KPNA5: variants seen among roughly 807,000 people sequenced by gnomAD.
The protein encoded by KPNA5 is karyopherin subunit alpha 5.
A neutral mutation model predicts 71.3 loss-of-function variants in KPNA5; 46 were observed. The ratio of observed to expected loss-of-function variants is 0.65; its 90% CI spans 0.51 to 0.83. The LOEUF is 0.83. KPNA5 is among the 40% of genes least tolerant of loss of function. The pLI, the probability that KPNA5 is intolerant of heterozygous loss-of-function variation, is 0.00. For synonymous variants in KPNA5, 207 were observed against 201.4 expected (o/e 1.03, Z -0.24); for missense variants, 547 against 628.3 (o/e 0.87, Z 1.38).
rs1226124960 is a variant in KPNA5 at position 116,736,488 on chromosome 6, A to G, written c.*4165A>G. ...GTTCACTTTTTTACTGGCACTAGCC[A>G]TATTTCAAGTGCTCAGTAGGGAGTG... On this transcript the variant is annotated 3_prime_UTR_variant, in exon 14 of 14. Coordinates refer to ENST00000368564, the MANE Select transcript of KPNA5 (RefSeq NM_001366306.2). 6.6e-6 allele frequency: 1 copy of G among 152,138 alleles called. No homozygotes were observed. Among genetic ancestry groups the G allele is most frequent in the East Asian group, 1.9e-4 (1 of 5,178 alleles). The allele number at this position is 152,138 out of a possible 1,614,324, so 9.4% of individuals were successfully genotyped here.
At chr6:116,688,822 A>C (rs556639465) in intron 1 of KPNA5, among the ~76,000 whole-genome samples, 1 of 152,302 alleles carries the variant, frequency 6.6e-6, no homozygotes, top group African/African-American at 2.4e-5. Context: ...TGCCTTCAGT[A>C]AGTGAAAGAA....
At position 116,735,159 on chromosome 6, in the gene KPNA5, A is replaced by G. The variant is rs1228054294; in HGVS notation, c.*2836A>G. 6.6e-6 allele frequency: 1 copy of G among 151,826 alleles called. No individual in the cohort carries two copies. The highest frequency in any genetic ancestry group is 1.5e-5 in the Non-Finnish European group (1 of 67,766). The allele number at this position is 151,826 out of a possible 1,614,324, so 9.4% of individuals were successfully genotyped here. A position where few individuals can be genotyped will look rare whatever the true frequency, so the allele number is the denominator to read the frequency against. On this transcript the variant is annotated 3_prime_UTR_variant, in exon 14 of 14. Coordinates refer to ENST00000368564, the MANE Select transcript of KPNA5 (RefSeq NM_001366306.2). ...ACTTACTGGTAACACCAGAACAAGA[A>G]AGCAAAAAAGTAATAAATTCTGCTG...
At chr6:116,729,391 T>A (rs1779403137) in intron 12 of KPNA5, among the ~76,000 whole-genome samples, 172 bp from the exon 13 acceptor site, 1 of 152,086 alleles carries the variant, frequency 6.6e-6, no homozygotes, top group African/African-American at 2.4e-5. Context: ...TTAAGTTTCC[T>A]ATGTGAGAAT....
chr6:116,702,002 C>CTTT lies in KPNA5; in HGVS notation c.436-11_436-9dup. ...TCTTTGGTTCTTTCATTTATTTTAC[C>CTTT]TTTTTTTTCTTCTTAGTTTGAAGCT... On this transcript the variant is annotated splice_polypyrimidine_tract_variant and intron_variant, in intron 5 of 13. Coordinates refer to ENST00000368564, the MANE Select transcript of KPNA5 (RefSeq NM_001366306.2). The CTTT allele has an allele frequency of 6.3e-7, 1 of 1,591,432 alleles. No homozygotes were observed. The highest frequency in any genetic ancestry group is 1.2e-5 in the South Asian group (1 of 85,982).
chr6:116,730,364 G>A (rs1026639025), intron 13 of KPNA5, among the ~76,000 whole-genome samples: 1 of 152,124 alleles, frequency 6.6e-6, no homozygotes, highest in Admixed American at 6.6e-5. Context: ...TGGAATTACA[G>A]ATATGAGCCA....
intron 7 of KPNA5, among the ~76,000 whole-genome samples, chr6:116,715,490 A>G (rs1778852859): frequency 6.6e-6 from 1 of 152,204 alleles, no homozygotes; most frequent in South Asian, 2.1e-4. Flanking sequence ...TTCATTGCAA[A>G]CTAGGTAAAA....
Position 116,681,357 on chromosome 6 carries a change from G to C in KPNA5, c.4+19G>C. On this transcript the variant is annotated intron_variant, in intron 1 of 13. Coordinates refer to ENST00000368564, the MANE Select transcript of KPNA5 (RefSeq NM_001366306.2). The stretch of plus-strand genomic sequence containing the variant: ...TTAATGGGTAAGTTGGAGTGAACAC[G>C]GGCTAGGTTGGGGGAGCCTCGGTTT... The C allele has an allele frequency of 1.3e-6, 2 of 1,584,664 alleles. No individual in the cohort carries two copies. The highest frequency in any genetic ancestry group is 1.7e-6 in the Non-Finnish European group (2 of 1,163,896).
At chr6:116,703,418 A>G (rs1010834897) in intron 6 of KPNA5, among the ~76,000 whole-genome samples, 3 of 151,864 alleles carry the variant, frequency 2.0e-5, no homozygotes, top group African/African-American at 7.3e-5. Context: ...GCCTGCCACC[A>G]CGCCCGGCTA....
At chr6:116,686,079 A>G (rs1310675258) in intron 1 of KPNA5, among the ~76,000 whole-genome samples, 4 of 151,508 alleles carry the variant, frequency 2.6e-5, no homozygotes, top group African/African-American at 4.9e-5. Context: ...TAATGTTTTG[A>G]TATTTTGTTG....
intron 7 of KPNA5, among the ~76,000 whole-genome samples, chr6:116,712,454 A>G (rs1359930200): frequency 4.6e-5 from 7 of 152,060 alleles, no homozygotes; most frequent in Non-Finnish European, 8.8e-5. Context: ...TTCACTTTCA[A>G]CCTATTTATG....
At position 116,722,269 on chromosome 6, in the gene KPNA5, A is replaced by G; in HGVS notation, c.900A>G (p.Arg300=). ...CAGTCATTGATTCTGGAGTCTGTCG[A>G]AGATTGGTGGAACTTTTGATGTAAC... ...IQAVIDSGVC[R]RLVELLMHND... The change falls in exon 9 of 14, where the codon CGA becomes CGG. Residue 300 remains arginine (R), a synonymous_variant. Transcript: ENST00000368564. The G allele has an allele frequency of 6.2e-7, 1 of 1,608,608 alleles. No individual in the cohort carries two copies. Among genetic ancestry groups the G allele is most frequent in the Non-Finnish European group, 8.5e-7 (1 of 1,177,896 alleles).
Position 116,733,489 on chromosome 6 carries a change from T to G in KPNA5, c.*1166T>G, listed in dbSNP as rs1779567783. On this transcript the variant is annotated 3_prime_UTR_variant, in exon 14 of 14. Coordinates refer to ENST00000368564, the MANE Select transcript of KPNA5 (RefSeq NM_001366306.2). ...TCTGCTGCTTGTTATGAATCATAGA[T>G]TACATTCATGTCAGATTGATCAATA... 1 of 151,622 alleles carries G rather than the reference T, an allele frequency of 6.6e-6. No homozygotes were observed. Among genetic ancestry groups the G allele is most frequent in the Non-Finnish European group, 1.5e-5 (1 of 67,674 alleles). The allele number at this position is 151,622 out of a possible 1,614,324, so 9.4% of individuals were successfully genotyped here.
intron 8 of KPNA5, among the ~76,000 whole-genome samples, chr6:116,720,616 T>C (rs1583439350): frequency 6.6e-6 from 1 of 151,768 alleles, no homozygotes; most frequent in Admixed American, 6.6e-5. Flanking sequence ...TTTTGGGAGG[T>C]TGAGGTGGGT....
chr6:116,701,126 G>A (rs549594784), intron 5 of KPNA5, among the ~76,000 whole-genome samples: 9 of 152,086 alleles, frequency 5.9e-5, no homozygotes, highest in South Asian at 4.1e-4. Context: ...AGTCCTACAC[G>A]TAAAAGTAAC....
At chr6:116,721,587 T>C (rs1437245822) in intron 8 of KPNA5, among the ~76,000 whole-genome samples, 1 of 152,220 alleles carries the variant, frequency 6.6e-6, no homozygotes, top group Non-Finnish European at 1.5e-5. Flanking sequence ...GTGCCTACTC[T>C]ATGTCAGGCA....
At chr6:116,712,878 G>T (rs975145701) in intron 7 of KPNA5, among the ~76,000 whole-genome samples, 1 of 151,432 alleles carries the variant, frequency 6.6e-6, no homozygotes, top group African/African-American at 2.4e-5. Flanking sequence ...GTACCCTAAG[G>T]AGTATAATTA....
chr6:116,726,148 A>G (rs1779280353), intron 11 of KPNA5, among the ~76,000 whole-genome samples: 1 of 151,914 alleles, frequency 6.6e-6, no homozygotes, highest in Non-Finnish European at 1.5e-5. Context: ...TTAGTTTTAA[A>G]TAAGTTATGC....
In KPNA5 at chr6:116,740,664, A is replaced by G. The variant is rs1056650961; in HGVS notation, c.*8341A>G. On this transcript the variant is annotated 3_prime_UTR_variant, in exon 14 of 14. Coordinates refer to ENST00000368564, the MANE Select transcript of KPNA5 (RefSeq NM_001366306.2). ...ATACACCATGGAATACTATGCAGCC[A>G]TAAAAAATGATGAGTTCATGTCCTT... The G allele has an allele frequency of 6.6e-6, 1 of 152,216 alleles. No individual in the cohort carries two copies. Among genetic ancestry groups the G allele is most frequent in the African/African-American group, 2.4e-5 (1 of 41,462 alleles). The allele number at this position is 152,216 out of a possible 1,614,324, so 9.4% of individuals were successfully genotyped here.
intron 1 of KPNA5, among the ~76,000 whole-genome samples, chr6:116,683,700 G>C (rs752168250): frequency 6.6e-6 from 1 of 151,148 alleles, no homozygotes; most frequent in Non-Finnish European, 1.5e-5. Context: ...TCTCCCTCCC[G>C]GGGTCTCCTG....
Sources: allele counts gnomAD v4.1 joint callset (sites outside exome capture counted in the v4.1 genomes callset), GRCh38; gene constraint gnomAD v4.1.1; transcripts MANE v1.5; gene names NCBI Gene and HGNC (gene_info 2026-07-23, HGNC 2026-07-21).